RASGRF2: variants seen among roughly 807,000 people sequenced by gnomAD.
RASGRF2 encodes Ras protein specific guanine nucleotide releasing factor 2, also known as ras-specific guanine nucleotide-releasing factor 2.
In RASGRF2, 76 loss-of-function variants were observed where a neutral mutation model predicts 151.0. That is an observed-to-expected ratio of 0.50 (90% CI 0.42 to 0.61). The LOEUF (loss-of-function observed/expected upper bound fraction) is 0.61, where lower values mean the gene tolerates loss of function less well. Ranked by LOEUF, RASGRF2 falls within the 20% of genes least tolerant of loss-of-function variation. The pLI is 0.00. For missense variants in RASGRF2, 1,148 were observed against 1,564.6 expected (o/e 0.73, Z 4.49); for synonymous variants, 504 against 566.5 (o/e 0.89, Z 1.57).
intron 12 of RASGRF2, among the ~76,000 whole-genome samples, chr5:81,097,924 T>C (rs1752592242): frequency 6.6e-6 from 1 of 152,172 alleles, no homozygotes; most frequent in African/African-American, 2.4e-5. Flanking sequence ...ATGAACTGTC[T>C]TAGGTTTCGA....
intron 12 of RASGRF2, among the ~76,000 whole-genome samples, chr5:81,100,217 T>G (rs945064352): frequency 5.3e-5 from 8 of 152,208 alleles, no homozygotes; most frequent in African/African-American, 1.9e-4. Context: ...ACTATTTTTC[T>G]AAATCTTACT....
chr5:81,069,216 A>C (rs1259440815), intron 3 of RASGRF2, among the ~76,000 whole-genome samples: 1 of 152,128 alleles, frequency 6.6e-6, no homozygotes, highest in Non-Finnish European at 1.5e-5. Context: ...TCCGGTGTTG[A>C]GAGTATGGGT....
intron 17 of RASGRF2, among the ~76,000 whole-genome samples, chr5:81,155,279 GAC>G (rs1000799864): frequency 1.1e-4 from 17 of 152,052 alleles, no homozygotes; most frequent in African/African-American, 3.1e-4. Flanking sequence ...TTTCACAAAA[GAC>G]ACCCTCAGAA....
chr5:81,003,505 G>A (rs368391532), intron 1 of RASGRF2, among the ~76,000 whole-genome samples: 16 of 152,274 alleles, frequency 1.1e-4, no homozygotes, highest in Admixed American at 3.3e-4. Context: ...TTACAGGCGT[G>A]AGCCACTGCG....
intron 25 of RASGRF2, among the ~76,000 whole-genome samples, 156 bp downstream of exon 25, chr5:81,217,629 G>C (rs1321818635): frequency 7.2e-6 from 1 of 138,978 alleles, no homozygotes; most frequent in Non-Finnish European, 1.5e-5. Context: ...GCCCAGGCTG[G>C]AGTGCAGTGG....
chr5:80,983,465 A>T (rs1052665950), intron 1 of RASGRF2, among the ~76,000 whole-genome samples: 1 of 152,208 alleles, frequency 6.6e-6, no homozygotes, highest in African/African-American at 2.4e-5. Flanking sequence ...CATCCTGAGG[A>T]TGTCTCTATC....
intron 1 of RASGRF2, among the ~76,000 whole-genome samples, chr5:81,018,106 C>CAA (rs70994413): frequency 7.3e-6 from 1 of 136,532 alleles, no homozygotes; most frequent in Non-Finnish European, 1.6e-5. Flanking sequence ...GAGACTGTCT[C>CAA]AAAAAAAAAA....
At chr5:81,183,063 C>A (rs1187736280) in intron 18 of RASGRF2, 2 of 545,874 alleles carry the variant, frequency 3.7e-6, no homozygotes, top group Non-Finnish European at 4.7e-6. Flanking sequence ...ATTATTGTGG[C>A]AACCTGATTA....
intron 26 of RASGRF2, among the ~76,000 whole-genome samples, chr5:81,224,867 T>C (rs941409774): frequency 6.6e-6 from 1 of 152,200 alleles, no homozygotes; most frequent in African/African-American, 2.4e-5. Context: ...ACCAGGGCAG[T>C]GCTTGATTCC....
intron 17 of RASGRF2, among the ~76,000 whole-genome samples, chr5:81,152,575 T>C (rs1300015691): frequency 6.6e-6 from 1 of 151,998 alleles, no homozygotes; most frequent in East Asian, 2.0e-4. Context: ...ATGTAGATGC[T>C]ATGATGTATT....
intron 18 of RASGRF2, among the ~76,000 whole-genome samples, chr5:81,196,207 C>A (rs1045691736): frequency 5.9e-5 from 9 of 152,104 alleles, no homozygotes; most frequent in Non-Finnish European, 2.9e-5. Context: ...TACAGTGAGC[C>A]CAGATTGTGC....
chr5:80,988,659 C>A (rs944083982), intron 1 of RASGRF2, among the ~76,000 whole-genome samples: 9 of 152,202 alleles, frequency 5.9e-5, no homozygotes, highest in Non-Finnish European at 1.3e-4. Flanking sequence ...CTGCTTTCAT[C>A]TCTTAATGAG....
intron 18 of RASGRF2, among the ~76,000 whole-genome samples, chr5:81,184,274 A>G (rs771773158): frequency 5.9e-5 from 9 of 152,108 alleles, no homozygotes; most frequent in Non-Finnish European, 1.2e-4. Flanking sequence ...GGCCTTACAT[A>G]TCGTTTACAC....
At chr5:80,992,372 T>C (rs868316154) in intron 1 of RASGRF2, among the ~76,000 whole-genome samples, 7 of 152,250 alleles carry the variant, frequency 4.6e-5, no homozygotes, top group Middle Eastern at 3.4e-3. Flanking sequence ...CACATCCCCA[T>C]GCCTGTAGGG....
chr5:81,227,775 C>G lies in RASGRF2; in HGVS notation c.*2005C>G, dbSNP rs1756028969. On this transcript the variant is annotated 3_prime_UTR_variant, in exon 27 of 27. Coordinates refer to ENST00000265080, the MANE Select transcript of RASGRF2 (RefSeq NM_006909.3). ...ACACACATACTAGTTTCGGGCCAAA[C>G]AACACGTGGAAAGGTGCATGCATTC... The G allele has an allele frequency of 6.6e-6, 1 of 152,208 alleles. No individual in the cohort carries two copies. Among genetic ancestry groups the G allele is most frequent in the South Asian group, 2.1e-4 (1 of 4,818 alleles). 9.4% of individuals were successfully genotyped at this position (152,208 alleles called of 1,614,324 possible).
intron 18 of RASGRF2, among the ~76,000 whole-genome samples, chr5:81,181,697 TTCTAAGATGCAAAGTAG>T (rs1754920773): frequency 6.6e-6 from 1 of 152,166 alleles, no homozygotes; most frequent in Admixed American, 6.5e-5. Context: ...CCACAGTGGC[TTCTAAGATGCAAAGTAG>T]CTTTGCATCT....
chr5:81,101,249 C>T (rs952201049), intron 12 of RASGRF2, among the ~76,000 whole-genome samples: 1 of 152,164 alleles, frequency 6.6e-6, no homozygotes, highest in Non-Finnish European at 1.5e-5. Context: ...CACTTCTTCC[C>T]AACAACCAGG....
intron 22 of RASGRF2, among the ~76,000 whole-genome samples, chr5:81,211,016 C>A (rs543648865): frequency 5.9e-5 from 9 of 152,110 alleles, no homozygotes; most frequent in Middle Eastern, 3.4e-3. Context: ...TGGTAGTGCA[C>A]ACCTGTGGTC....
At chr5:81,165,981 G>C (rs957394647) in intron 17 of RASGRF2, among the ~76,000 whole-genome samples, 2 of 152,032 alleles carry the variant, frequency 1.3e-5, no homozygotes, top group Admixed American at 1.3e-4. Context: ...AGGTCCACCT[G>C]ATATATCTCA....
Sources: allele counts gnomAD v4.1 joint callset (sites outside exome capture counted in the v4.1 genomes callset), GRCh38; gene constraint gnomAD v4.1.1; transcripts MANE v1.5; gene names NCBI Gene and HGNC (gene_info 2026-07-23, HGNC 2026-07-21).